STXBP4: variants seen among roughly 807,000 people sequenced by gnomAD.
The protein encoded by STXBP4 is syntaxin-binding protein 4.
In STXBP4, 55 loss-of-function variants were observed where a neutral mutation model predicts 76.1. That is an observed-to-expected ratio of 0.72 (90% CI 0.58 to 0.91). The LOEUF (loss-of-function observed/expected upper bound fraction) is 0.91. STXBP4 is among the 40% of genes least tolerant of loss of function. The pLI is 0.00. For missense variants in STXBP4, 618 were observed against 636.9 expected (o/e 0.97, Z 0.32); for synonymous variants, 201 against 220.2 (o/e 0.91, Z 0.77).
intron 8 of STXBP4, among the ~76,000 whole-genome samples, chr17:55,018,283 A>G (rs1475861513): frequency 6.6e-6 from 1 of 152,212 alleles, no homozygotes; most frequent in Admixed American, 6.5e-5. Context: ...GGCAATGGGC[A>G]ACTTGCTGGA....
intron 10 of STXBP4, among the ~76,000 whole-genome samples, chr17:55,034,921 C>T (rs2078572194): frequency 1.3e-5 from 2 of 151,908 alleles, no homozygotes; most frequent in Admixed American, 1.3e-4. Flanking sequence ...ATATTTTAGT[C>T]CTTTTCATTG....
chr17:55,070,201 T>G (rs948163128), intron 12 of STXBP4, among the ~76,000 whole-genome samples: 4 of 152,220 alleles, frequency 2.6e-5, no homozygotes, highest in African/African-American at 9.6e-5. Context: ...TTACTTAACT[T>G]TCCTGTGCAT....
intron 12 of STXBP4, among the ~76,000 whole-genome samples, chr17:55,051,540 T>C (rs566306758): frequency 6.6e-6 from 1 of 152,158 alleles, no homozygotes; most frequent in African/African-American, 2.4e-5. Flanking sequence ...GTGTTCATTG[T>C]TGTTGAGAAG....
At chr17:55,205,956 TG>T in the STXBP4 span, among the ~76,000 whole-genome samples, 1 of 152,104 alleles carries the variant, frequency 6.6e-6, no homozygotes, top group African/African-American at 2.4e-5. Context: ...ATTACCTAAA[TG>T]TCCCTAAGTA....
chr17:55,106,795 C>G (rs571556877), intron 16 of STXBP4, among the ~76,000 whole-genome samples: 8 of 151,854 alleles, frequency 5.3e-5, no homozygotes, highest in African/African-American at 1.9e-4. Context: ...GGTCCCCACT[C>G]TCTTCTGGCT....
intron 8 of STXBP4, among the ~76,000 whole-genome samples, chr17:55,016,571 C>A (rs941671548): frequency 4.6e-5 from 7 of 152,164 alleles, no homozygotes; most frequent in Non-Finnish European, 7.3e-5. Context: ...AATTATTAGG[C>A]AATTTTTCTA....
chr17:55,052,987 TAA>T (rs71361753), intron 12 of STXBP4, among the ~76,000 whole-genome samples: 8 of 133,896 alleles, frequency 6.0e-5, no homozygotes, highest in Admixed American at 2.3e-4. Flanking sequence ...GCTATTTTCT[TAA>T]AAAAAAAAAA....
At chr17:55,099,671 A>G (rs115927734) in intron 16 of STXBP4, among the ~76,000 whole-genome samples, 51 of 152,320 alleles carry the variant, frequency 3.3e-4, no homozygotes, top group African/African-American at 1.2e-3. Context: ...ATAGATCTCA[A>G]ATAGTCTATT....
chr17:55,199,112 C>T, the STXBP4 span, among the ~76,000 whole-genome samples: 1 of 152,176 alleles, frequency 6.6e-6, no homozygotes, highest in African/African-American at 2.4e-5. Context: ...ACATCACATC[C>T]ATGCCAATGG....
chr17:55,058,095 G>A (rs997866729), intron 12 of STXBP4, among the ~76,000 whole-genome samples: 1 of 152,120 alleles, frequency 6.6e-6, no homozygotes, highest in Non-Finnish European at 1.5e-5. Flanking sequence ...GGGTCAAATG[G>A]TATTTCTGGT....
intron 1 of STXBP4, among the ~76,000 whole-genome samples, chr17:54,980,845 G>A (rs2077540444): frequency 1.3e-5 from 2 of 152,206 alleles, no homozygotes; most frequent in Non-Finnish European, 2.9e-5. Flanking sequence ...TGTCCCATCT[G>A]TGGCCCATGG....
rs931440633 is a variant in STXBP4, at chr17:55,162,666, A to G, written c.*2755A>G. 3 of 152,156 alleles carry G rather than the reference A, an allele frequency of 2.0e-5. No homozygotes were observed. Among genetic ancestry groups the G allele is most frequent in the Admixed American group, 2.0e-4 (3 of 15,280 alleles). 9.4% of individuals were successfully genotyped at this position (152,156 alleles called of 1,614,324 possible). ...TTAAAACTAATCTATTTTATTTAAA[A>G]AAAATCAAGTACTTTGGAAGTGAAT... On this transcript the variant is annotated 3_prime_UTR_variant, in exon 18 of 18. Coordinates refer to ENST00000376352, the MANE Select transcript of STXBP4 (RefSeq NM_178509.6).
At chr17:55,185,231 CTT>C in the STXBP4 span, among the ~76,000 whole-genome samples, 3 of 46,232 alleles carry the variant, frequency 6.5e-5, no homozygotes, top group East Asian at 4.0e-4. Context: ...TCTTCTTCTT[CTT>C]CTTCTTCTTC....
At chr17:55,079,104 G>T (rs1337390989) in intron 15 of STXBP4, among the ~76,000 whole-genome samples, 1 of 152,070 alleles carries the variant, frequency 6.6e-6, no homozygotes, top group Non-Finnish European at 1.5e-5. Flanking sequence ...AACCCAGCAG[G>T]TTAGTTGTTC....
At position 55,019,596 on chromosome 17, in the gene STXBP4, A is replaced by C. The variant is rs537707344; in HGVS notation, c.667-11572A>C. On this transcript the variant is annotated intron_variant, in intron 8 of 17. Coordinates refer to ENST00000376352, the MANE Select transcript of STXBP4 (RefSeq NM_178509.6). ...ATCTTGTAGCCAATGATAATTTAGA[A>C]TTACCTGTGTTTACCATATTCTTTA... Among the ~76,000 whole-genome samples, 44 of 152,246 alleles carry C rather than the reference A, an allele frequency of 2.9e-4. 1 individual carries two copies. Among genetic ancestry groups the C allele is most frequent in the Middle Eastern group, 6.8e-3 (2 of 294 alleles).
chr17:55,202,649 G>A, the STXBP4 span, among the ~76,000 whole-genome samples: 1 of 152,114 alleles, frequency 6.6e-6, no homozygotes, highest in Non-Finnish European at 1.5e-5. Context: ...AAGCTCTTGA[G>A]AATGGGTTTG....
rs954322586 is a variant in STXBP4, at chr17:55,164,513, C to T, written c.*4602C>T. On this transcript the variant is annotated 3_prime_UTR_variant, in exon 18 of 18. Transcript: ENST00000376352. ...GGCGGGACTGCGGACTGCAGCGGCG[C>T]AATCTCGGCTCACTGCAAGCTCCGC... 7.0e-6 allele frequency: 1 copy of T among 143,666 alleles called. No homozygotes were observed. The highest frequency in any genetic ancestry group is 1.5e-5 in the Non-Finnish European group (1 of 66,934). 8.9% of individuals were successfully genotyped at this position (143,666 alleles called of 1,614,324 possible). A position where few individuals can be genotyped will look rare whatever the true frequency, so the allele number is the denominator to read the frequency against.
rs373204180 is a variant in STXBP4 at position 54,996,302 on chromosome 17, TG to T, written c.181-3041del. ...ACATTGAGGTTCAAAAGACCATGGC[TG>T]GTTTGAGGCACATTCTCTGAGAGTA... On this transcript the variant is annotated intron_variant, in intron 4 of 17. Transcript: ENST00000376352. Among the ~76,000 whole-genome samples, 140 of 150,266 alleles carry T rather than the reference TG, an allele frequency of 9.3e-4. No individual in the cohort carries two copies. The East Asian group carries it at 0.02, about 22-fold the overall frequency.
intron 16 of STXBP4, among the ~76,000 whole-genome samples, chr17:55,101,472 G>A (rs2079565241): frequency 6.6e-6 from 1 of 152,156 alleles, no homozygotes; most frequent in Admixed American, 6.5e-5. Flanking sequence ...GAGAGAAATA[G>A]CTCTCCCTCC....
Sources: gnomAD v4.1 joint callset for allele counts (sites outside exome capture counted in the v4.1 genomes callset) on GRCh38, gnomAD v4.1.1 for gene constraint, MANE v1.5 for transcripts, NCBI Gene and HGNC (gene_info 2026-07-23, HGNC 2026-07-21) for gene names.